RNF115: variants seen among roughly 807,000 people sequenced by gnomAD.
RNF115 encodes the protein ring finger protein 115.
A neutral mutation model predicts 39.2 loss-of-function variants in RNF115; 31 were observed. That is an observed-to-expected ratio of 0.79 (90% CI 0.59 to 1.07). The LOEUF is 1.07. RNF115 is among the 50% of genes least tolerant of loss of function. RNF115 has a pLI of 0.00. For missense variants in RNF115, 384 were observed against 381.7 expected (o/e 1.01, Z -0.05); for synonymous variants, 124 against 131.0 (o/e 0.95, Z 0.37).
At chr1:145,794,586 A>G (rs12745590) in intron 1 of RNF115, among the ~76,000 whole-genome samples, 78,662 of 142,186 alleles carry the variant, frequency 0.55, 22,696 homozygotes, top group African/African-American at 0.75. Flanking sequence ...CTCCTATTGG[A>G]ATCATGTGAA....
intron 1 of RNF115, among the ~76,000 whole-genome samples, chr1:145,809,355 T>A (rs1047195330): frequency 6.6e-6 from 1 of 151,504 alleles, no homozygotes; most frequent in Non-Finnish European, 1.5e-5. Flanking sequence ...CCCAGCTAAT[T>A]TTTGTACTTT....
intron 5 of RNF115, among the ~76,000 whole-genome samples, chr1:145,752,585 C>CTTTTTTTTTTTTTTTTTTTTTTTTTTTTT (rs60257682): frequency 1.2e-5 from 1 of 83,784 alleles, no homozygotes; most frequent in African/African-American, 5.7e-5. Context: ...CTATGCAGCT[C>CTTTTTTTTTTTTTTTTTTTTTTTTTTTTT]TTTTTTTTTT....
chr1:145,796,428 C>CTT (rs35440164), intron 1 of RNF115, among the ~76,000 whole-genome samples: 1 of 146,598 alleles, frequency 6.8e-6, no homozygotes, highest in African/African-American at 2.5e-5. Flanking sequence ...CCCATCTTAA[C>CTT]TTTTTTTTTT....
At chr1:145,785,346 C>T (rs1648332560) in intron 2 of RNF115, among the ~76,000 whole-genome samples, 1 of 152,188 alleles carries the variant, frequency 6.6e-6, no homozygotes, top group African/African-American at 2.4e-5. Flanking sequence ...AGACATTACA[C>T]AGTACTATCA....
chr1:145,803,025 T>C (rs1649316268), intron 1 of RNF115, among the ~76,000 whole-genome samples: 1 of 152,228 alleles, frequency 6.6e-6, no homozygotes, highest in Non-Finnish European at 1.5e-5. Context: ...TCAAGGTCTC[T>C]GTGAAAATCT....
chr1:145,767,930 C>T (rs1327464113), intron 4 of RNF115, among the ~76,000 whole-genome samples: 1 of 116,832 alleles, frequency 8.6e-6, no homozygotes, highest in African/African-American at 3.6e-5. Context: ...GCAGCACAGT[C>T]CAGCTTCGGC....
chr1:145,769,883 T>G (rs1267216973), intron 4 of RNF115, among the ~76,000 whole-genome samples: 2 of 152,084 alleles, frequency 1.3e-5, no homozygotes, highest in Non-Finnish European at 2.9e-5. Flanking sequence ...GGCACATGCT[T>G]GTAGTCCTAC....
At chr1:145,806,039 A>C (rs1274181625) in intron 1 of RNF115, among the ~76,000 whole-genome samples, 1 of 152,190 alleles carries the variant, frequency 6.6e-6, no homozygotes, top group Non-Finnish European at 1.5e-5. Context: ...ACATTAATTT[A>C]ATGTTTAAAT....
intron 1 of RNF115, among the ~76,000 whole-genome samples, chr1:145,795,036 A>G (rs1449440897): frequency 6.0e-5 from 9 of 151,180 alleles, no homozygotes; most frequent in African/African-American, 1.9e-4. Context: ...AAAAAAAAAA[A>G]AGATAGTGTG....
rs1657627857 is a variant in RNF115, at chr1:145,739,537, C to G, written c.*7329G>C. On this transcript the variant is annotated 3_prime_UTR_variant, in exon 9 of 9. Coordinates refer to ENST00000582693, the MANE Select transcript of RNF115 (RefSeq NM_014455.4). The stretch of plus-strand genomic sequence containing the variant: ...AGGCAAAAAGACCTGGATTCAAATT[C>G]TGGCTCTGCAACATACCAGCTATTT... The G allele has an allele frequency of 6.6e-6, 1 of 152,030 alleles. No individual in the cohort carries two copies. Among genetic ancestry groups the G allele is most frequent in the African/African-American group, 2.4e-5 (1 of 41,354 alleles). 9.4% of individuals were successfully genotyped at this position (152,030 alleles called of 1,614,324 possible). A position where few individuals can be genotyped will look rare whatever the true frequency, so the allele number is the denominator to read the frequency against.
intron 4 of RNF115, among the ~76,000 whole-genome samples, chr1:145,760,535 G>A (rs1333214447): frequency 2.0e-5 from 3 of 152,124 alleles, no homozygotes; most frequent in Non-Finnish European, 2.9e-5. Context: ...AGTCTCATGA[G>A]ATCTGATGGG....
intron 3 of RNF115, among the ~76,000 whole-genome samples, chr1:145,779,428 G>A (rs587739062): frequency 2.6e-5 from 4 of 151,976 alleles, no homozygotes; most frequent in African/African-American, 7.2e-5. Flanking sequence ...GCCTGCCTCC[G>A]CCCTCCCAAA....
chr1:145,793,964 C>T (rs1421613861), intron 1 of RNF115, among the ~76,000 whole-genome samples: 3 of 152,078 alleles, frequency 2.0e-5, no homozygotes, highest in African/African-American at 7.2e-5. Context: ...CCACCTCAGC[C>T]TCCAGAGTGG....
At chr1:145,764,642 G>A (rs1309910317) in intron 4 of RNF115, among the ~76,000 whole-genome samples, 1 of 151,160 alleles carries the variant, frequency 6.6e-6, no homozygotes, top group Non-Finnish European at 1.5e-5. Context: ...CCCTCCACCC[G>A]GCAGCCGCCC....
intron 3 of RNF115, among the ~76,000 whole-genome samples, chr1:145,778,399 AT>A (rs1194781897): frequency 1.2e-4 from 18 of 152,164 alleles, no homozygotes; most frequent in Admixed American, 1.3e-4. Flanking sequence ...AAAGTTCTAA[AT>A]CAGTGGTAAT....
intron 4 of RNF115, among the ~76,000 whole-genome samples, chr1:145,760,320 C>T (rs1195548673): frequency 6.6e-6 from 1 of 152,130 alleles, no homozygotes; most frequent in Non-Finnish European, 1.5e-5. Context: ...GCTTAGGAAG[C>T]TGAGATGGGA....
At chr1:145,800,510 GCCAGTT>G (rs1327000700) in intron 1 of RNF115, among the ~76,000 whole-genome samples, 1 of 152,070 alleles carries the variant, frequency 6.6e-6, no homozygotes, top group Non-Finnish European at 1.5e-5. Context: ...ACAATACTAT[GCCAGTT>G]CCAAAGCCCT....
chr1:145,765,577 C>A (rs1553714667), intron 4 of RNF115, among the ~76,000 whole-genome samples: 1 of 152,088 alleles, frequency 6.6e-6, no homozygotes, highest in Non-Finnish European at 1.5e-5. Flanking sequence ...TTTCTTGATA[C>A]TTGAGAAATT....
At position 145,740,259 on chromosome 1, in the gene RNF115, T is replaced by C. The variant is rs1553710829; in HGVS notation, c.*6607A>G. The C allele has an allele frequency of 6.6e-6, 1 of 152,258 alleles. No homozygotes were observed. The highest frequency in any genetic ancestry group is 1.9e-4 in the East Asian group (1 of 5,206). 9.4% of individuals were successfully genotyped at this position (152,258 alleles called of 1,614,324 possible). On this transcript the variant is annotated 3_prime_UTR_variant, in exon 9 of 9. Coordinates refer to ENST00000582693, the MANE Select transcript of RNF115 (RefSeq NM_014455.4). ...TTCAGCCATTGTACTATACTAATTA[T>C]AGTCCACATATAAAAATCTGTGACA...
Sources: allele counts gnomAD v4.1 joint callset (sites outside exome capture counted in the v4.1 genomes callset), GRCh38; gene constraint gnomAD v4.1.1; transcripts MANE v1.5; gene names NCBI Gene and HGNC (gene_info 2026-07-23, HGNC 2026-07-21).